CSMD2: variants seen among roughly 807,000 people sequenced by gnomAD.
CSMD2 encodes the protein CUB and sushi domain-containing protein 2.
Under a neutral mutation model 398.5 loss-of-function variants are expected in CSMD2, and 130 were observed. The ratio of observed to expected loss-of-function variants is 0.33; its 90% CI spans 0.28 to 0.38. CSMD2 has a LOEUF of 0.38. CSMD2 is among the 10% of genes least tolerant of loss of function. CSMD2 has a pLI of 1.00. For missense variants in CSMD2, 3,829 were observed against 4,764.9 expected, an observed-to-expected ratio of 0.80 and a Z score of 5.78; for synonymous variants, 1,828 against 1,908.5, an observed-to-expected ratio of 0.96 and a Z score of 1.10.
At chr1:33,728,674 A>T (rs1012932226) in intron 15 of CSMD2, among the ~76,000 whole-genome samples, 11 of 152,228 alleles carry the variant, frequency 7.2e-5, no homozygotes, top group Non-Finnish European at 1.3e-4. Context: ...TAGTGCTACA[A>T]CCACAGCCAA....
At chr1:34,033,552 G>A (rs1380863499) in intron 2 of CSMD2, among the ~76,000 whole-genome samples, 1 of 152,200 alleles carries the variant, frequency 6.6e-6, no homozygotes, top group Non-Finnish European at 1.5e-5. Context: ...TCCATGCCTG[G>A]TGACCCTCAC....
intron 6 of CSMD2, among the ~76,000 whole-genome samples, chr1:33,833,196 C>A (rs79417278): frequency 0.73 from 75,682 of 103,150 alleles, 29,109 homozygotes; most frequent in East Asian, 0.93. Flanking sequence ...GAGACACAAT[C>A]AAAAAAGAGA....
chr1:33,790,661 G>GTCTGTCTGTCTA (rs575317509), intron 11 of CSMD2, among the ~76,000 whole-genome samples: 1 of 149,842 alleles, frequency 6.7e-6, no homozygotes, highest in African/African-American at 2.5e-5. Context: ...CTGTTTGTCT[G>GTCTGTCTGTCTA]TCTATCTATC....
chr1:33,967,370 G>T (rs959203089), intron 3 of CSMD2, among the ~76,000 whole-genome samples: 2 of 151,906 alleles, frequency 1.3e-5, no homozygotes, highest in Non-Finnish European at 2.9e-5. Context: ...ACACACACAG[G>T]TAGACATCCA....
At chr1:33,887,914 T>C (rs1379770320) in intron 5 of CSMD2, among the ~76,000 whole-genome samples, 1 of 152,138 alleles carries the variant, frequency 6.6e-6, no homozygotes, top group African/African-American at 2.4e-5. Context: ...TTCAGTAAGA[T>C]GGCTGGTTAC....
intron 1 of CSMD2, among the ~76,000 whole-genome samples, chr1:34,158,183 G>C (rs1025771318): frequency 6.6e-6 from 1 of 152,308 alleles, no homozygotes; most frequent in Non-Finnish European, 1.5e-5. Context: ...TTTTCAAGTA[G>C]AGAAACTCCC....
At chr1:34,096,276 T>G (rs936102756) in intron 1 of CSMD2, among the ~76,000 whole-genome samples, 1 of 151,688 alleles carries the variant, frequency 6.6e-6, no homozygotes, top group African/African-American at 2.4e-5. Flanking sequence ...TAATAAGAGC[T>G]ATCTATGACA....
intron 37 of CSMD2, among the ~76,000 whole-genome samples, chr1:33,620,806 CTTTTTTTTTTTTTT>C (rs34986869): frequency 2.2e-5 from 2 of 91,924 alleles, no homozygotes; most frequent in African/African-American, 9.0e-5. Context: ...TGTCCTGGGT[CTTTTTTTTTTTTTT>C]TTTTTTTTTT....
intron 12 of CSMD2, among the ~76,000 whole-genome samples, chr1:33,780,764 T>C (rs1652645984): frequency 6.6e-6 from 1 of 152,200 alleles, no homozygotes; most frequent in African/African-American, 2.4e-5. Flanking sequence ...TGTATCTAGC[T>C]CAACTTTGGC....
intron 64 of CSMD2, 140 bp downstream of exon 64, chr1:33,532,910 C>T (rs1017863585): frequency 2.8e-5 from 25 of 878,244 alleles, no homozygotes; most frequent in Non-Finnish European, 3.9e-5. Flanking sequence ...CTTCTAGACT[C>T]AAAACCTTAG....
Position 33,626,573 on chromosome 1 carries a change from G to T in CSMD2, c.5209C>A (p.Leu1737Met). The T allele has an allele frequency of 6.2e-7, 1 of 1,600,474 alleles. No homozygotes were observed. ...SLSGSHTGESLPLATSNQVLI... is the reference protein window; with the variant it reads ...SLSGSHTGESMPLATSNQVLI... ...ACTTGATTGGAGGTGGCCAAGGGCA[G>T]TGATTCTCCTGCCGAGATAAGGGGC... The change falls in exon 33 of 71, where the codon CTG becomes ATG. Residue 1737 changes from leucine (L) to methionine (M), a missense_variant. Leu to Met is a conservative substitution (Grantham distance 15). Coordinates refer to ENST00000373381, the MANE Select transcript of CSMD2 (RefSeq NM_001281956.2).
At chr1:34,149,099 C>G (rs897322194) in intron 1 of CSMD2, among the ~76,000 whole-genome samples, 1 of 152,198 alleles carries the variant, frequency 6.6e-6, no homozygotes, top group Non-Finnish European at 1.5e-5. Context: ...GAATGAATGC[C>G]ATCTCTGGGC....
intron 29 of CSMD2, among the ~76,000 whole-genome samples, chr1:33,638,561 C>G (rs969633467): frequency 6.6e-6 from 1 of 152,196 alleles, no homozygotes; most frequent in African/African-American, 2.4e-5. Flanking sequence ...ATCATGTCTG[C>G]TGAAAACAAT....
At chr1:33,857,468 A>G (rs756401707) in intron 5 of CSMD2, among the ~76,000 whole-genome samples, 1 of 151,872 alleles carries the variant, frequency 6.6e-6, no homozygotes, top group Non-Finnish European at 1.5e-5. Context: ...GATGGCCAGA[A>G]CCAAGAACTC....
At position 33,541,163 on chromosome 1, in the gene CSMD2, G is replaced by T. The variant is rs777081960; in HGVS notation, c.9424C>A (p.Arg3142=). 1 of 1,613,976 alleles carries T rather than the reference G, an allele frequency of 6.2e-7. No homozygotes were observed. The highest frequency in any genetic ancestry group is 2.2e-5 in the East Asian group (1 of 44,870). ...ACGGGCTTGGTTCCATTCCATGTCC[G>T]GTCCTTGGTGCAGCTCAGCACAGAT... ...RVSVLSCTKD[R]TWNGTKPVCK... is the part of the protein sequence containing the mutation. Residue 3142 remains arginine, a synonymous_variant, in exon 59 of 71, where the codon CGG becomes AGG. Transcript: ENST00000373381.
chr1:33,970,166 A>C (rs1267287219), intron 3 of CSMD2, among the ~76,000 whole-genome samples: 2 of 150,000 alleles, frequency 1.3e-5, no homozygotes, highest in African/African-American at 4.9e-5. Context: ...TCTGACTCCA[A>C]AGCCACTGTG....
chr1:33,604,415 T>C (rs1640444555), intron 42 of CSMD2, among the ~76,000 whole-genome samples: 1 of 152,174 alleles, frequency 6.6e-6, no homozygotes, highest in South Asian at 2.1e-4. Context: ...AACTGAGAGT[T>C]TGAGTCTGAG....
chr1:33,741,672 G>T (rs1177717814), intron 14 of CSMD2, among the ~76,000 whole-genome samples: 1 of 152,102 alleles, frequency 6.6e-6, no homozygotes, highest in African/African-American at 2.4e-5. Context: ...TTTACAGATT[G>T]GATGTGTATC....
chr1:33,911,863 C>A (rs900357077), intron 5 of CSMD2, among the ~76,000 whole-genome samples: 2 of 152,194 alleles, frequency 1.3e-5, no homozygotes, highest in African/African-American at 4.8e-5. Context: ...TGGACAGCAT[C>A]TTCCTTAGAG....
Sources: gnomAD v4.1 joint callset for allele counts (sites outside exome capture counted in the v4.1 genomes callset) on GRCh38, gnomAD v4.1.1 for gene constraint, MANE v1.5 for transcripts, NCBI Gene and HGNC (gene_info 2026-07-23, HGNC 2026-07-21) for gene names.